Variants in ARHGEF15 observed in about 807,000 individuals in gnomAD.
The protein encoded by ARHGEF15 is Rho guanine nucleotide exchange factor 15, also known as Rho guanine nucleotide exchange factor (GEF) 15.
A neutral mutation model predicts 79.7 loss-of-function variants in ARHGEF15; 58 were observed. The observed-to-expected ratio is 0.73, with a 90% confidence interval of 0.59 to 0.91. The LOEUF is 0.91. ARHGEF15 is among the 40% of genes least tolerant of loss of function. The pLI is 0.00. For missense variants in ARHGEF15, 1,012 were observed against 1,108.1 expected (o/e 0.91, Z 1.23); for synonymous variants, 442 against 456.0 (o/e 0.97, Z 0.39).
In ARHGEF15 at chr17:8,315,876, C is replaced by T; in HGVS notation, c.1543C>T (p.Gln515Ter). 6.2e-7 allele frequency: 1 copy of T among 1,611,400 alleles called. No individual in the cohort carries two copies. ...GTATGTGGATTATGTGCGGAACCAG[C>T]AGTATCAGGAGGAGACCTACAGCCG... Reference protein sequence around the residue: ...SVYVDYVRNQQYQEETYSRLM... With the variant: ...SVYVDYVRNQ Residue 515 changes from glutamine (Q) to a stop codon, truncating the protein, a stop_gained, in exon 8 of 16, where the codon CAG becomes TAG. Transcript: ENST00000361926. LOFTEE classifies it high-confidence loss of function. This position sits in a 1 kb window ranked among gnomAD's most constrained non-coding sequence, Gnocchi z 4.3.
At chr17:8,317,342 C>T (rs1227840519) in intron 9 of ARHGEF15, among the ~76,000 whole-genome samples, 2 of 152,124 alleles carry the variant, frequency 1.3e-5, no homozygotes, top group Non-Finnish European at 2.9e-5. Context: ...TCAAGCAATC[C>T]TCCTATCTCA....
At position 8,315,491 on chromosome 17, in the gene ARHGEF15, C is replaced by A. The variant is rs1051815618; in HGVS notation, c.1338C>A (p.Ser446Arg). ...TGCTGACCGACACCTTCGTGCTGAG[C>A]CAGGCACTCCGGGACACGCTCACCC... ...LRLLTDTFVLSQALRDTLTPR... is the reference protein window; with the variant it reads ...LRLLTDTFVLRQALRDTLTPR... The change falls in exon 7 of 16, where the codon AGC becomes AGA. Residue 446 changes from serine (S) to arginine (R), a missense_variant. Around this residue, in one of 3 missense-constraint regions of ARHGEF15, gnomAD observed 818 missense variants for 882.5 expected, o/e 0.93. Coordinates refer to ENST00000361926, the MANE Select transcript of ARHGEF15 (RefSeq NM_173728.4). This position sits in a 1 kb window ranked among gnomAD's most constrained non-coding sequence, Gnocchi z 4.3. 2.5e-6 allele frequency: 4 copies of A among 1,613,306 alleles called. No individual in the cohort carries two copies. The African/African-American group carries it at 4.0e-5, about 16-fold the overall frequency.
In ARHGEF15 at chr17:8,313,140, C is replaced by T; in HGVS notation, c.820C>T (p.Leu274Phe). 2 of 1,613,034 alleles carry T rather than the reference C, an allele frequency of 1.2e-6. No individual in the cohort carries two copies. The highest frequency in any genetic ancestry group is 1.1e-5 in the South Asian group (1 of 91,070). Residue 274 changes from leucine to phenylalanine, a missense_variant, in exon 3 of 16, where the codon CTC (leucine) becomes TTC (phenylalanine). Leu to Phe is a conservative substitution (Grantham distance 22, BLOSUM62 0). Coordinates refer to ENST00000361926, the MANE Select transcript of ARHGEF15 (RefSeq NM_173728.4). ...CTACCGCTCCACTGCTGAGCGCAAA[C>T]TCCTGCCACTCCTCAAGCCTCCCAA... Reference protein sequence around the residue: ...TSYRSTAERKLLPLLKPPKPT... With the variant: ...TSYRSTAERKFLPLLKPPKPT...
Position 8,318,976 on chromosome 17 carries a change from T to C in ARHGEF15, c.2034-31T>C. 2 of 1,610,982 alleles carry C rather than the reference T, an allele frequency of 1.2e-6. No homozygotes were observed. Among genetic ancestry groups the C allele is most frequent in the Non-Finnish European group, 1.7e-6 (2 of 1,178,762 alleles). On this transcript the variant is annotated intron_variant, in intron 12 of 15. Transcript: ENST00000361926. The surrounding 1 kb of genome is among the most constrained non-coding windows in gnomAD (Gnocchi z 5.0). Reference sequence around the variant, plus strand: ...AGGAGGGGTCCAGCGGGACCCCTGCTGTCCTTCTGAACGACCTCATCCCTG... The same window carrying C: ...AGGAGGGGTCCAGCGGGACCCCTGCCGTCCTTCTGAACGACCTCATCCCTG...
chr17:8,314,315 T>C (rs952336966), intron 4 of ARHGEF15, among the ~76,000 whole-genome samples: 26 of 152,196 alleles, frequency 1.7e-4, no homozygotes, highest in Non-Finnish European at 3.7e-4. Context: ...CTGTGTCCAT[T>C]CATTTATTCA....
Position 8,318,345 on chromosome 17 carries a change from C to G in ARHGEF15, c.1705-42C>G. On this transcript the variant is annotated intron_variant, in intron 9 of 15. Coordinates refer to ENST00000361926, the MANE Select transcript of ARHGEF15 (RefSeq NM_173728.4). The surrounding 1 kb of genome is among the most constrained non-coding windows in gnomAD (Gnocchi z 5.0). ...CTGTGGCCCCTCTGAATCCCAGGGCCACAGAGCAGGGGGCCCAGTCACCCT... is the reference window on the plus strand; with the variant it reads ...CTGTGGCCCCTCTGAATCCCAGGGCGACAGAGCAGGGGGCCCAGTCACCCT... The G allele has an allele frequency of 1.3e-6, 2 of 1,588,846 alleles. No homozygotes were observed. Among genetic ancestry groups the G allele is most frequent in the Non-Finnish European group, 8.6e-7 (1 of 1,164,120 alleles).
At chr17:8,320,135 G>A (rs916951744) in intron 15 of ARHGEF15, among the ~76,000 whole-genome samples, 2 of 152,102 alleles carry the variant, frequency 1.3e-5, no homozygotes, top group African/African-American at 4.8e-5. Context: ...AGTGCCACTC[G>A]CTGTTCTAGG....
chr17:8,319,594 A>G lies in ARHGEF15; in HGVS notation c.2365A>G (p.Thr789Ala). 1 of 1,573,800 alleles carries G rather than the reference A, an allele frequency of 6.4e-7. No individual in the cohort carries two copies. Among genetic ancestry groups the G allele is most frequent in the Non-Finnish European group, 8.6e-7 (1 of 1,167,892 alleles). Residue 789 changes from threonine to alanine, a missense_variant, in exon 15 of 16, where the codon ACC (threonine) becomes GCC (alanine). By Grantham distance (58) the Thr-to-Ala change is moderately conservative (BLOSUM62 0). Coordinates refer to ENST00000361926, the MANE Select transcript of ARHGEF15 (RefSeq NM_173728.4). ...GGCTGCCCCCAAACACCTGCACAAG[A>G]CCCCTGAAGGTGAGAAAGTCTTTCA... ...SRAAPKHLHK[T>A]PEGWLKGLPG...
Position 8,312,272 on chromosome 17 carries a change from C to T in ARHGEF15, c.233C>T (p.Pro78Leu), listed in dbSNP as rs1169087712. The change falls in exon 2 of 16, where the codon CCC (proline) becomes CTC (leucine). Residue 78 changes from proline (P) to leucine (L), a missense_variant. Pro to Leu is a moderately conservative substitution (Grantham distance 98). Around this residue, in one of 3 missense-constraint regions of ARHGEF15, gnomAD observed 818 missense variants for 882.5 expected, o/e 0.93. Transcript: ENST00000361926. ...CTCAAGCCCCCTGCTCTTTTGCCCCCCTCAGCTTCTAGAGCCAGCCTCGAC... is the reference window on the plus strand; with the variant it reads ...CTCAAGCCCCCTGCTCTTTTGCCCCTCTCAGCTTCTAGAGCCAGCCTCGAC... ...ASLKPPALLP[P>L]SASRASLDSQ... 1 of 1,459,202 alleles carries T rather than the reference C, an allele frequency of 6.9e-7. No individual in the cohort carries two copies. The highest frequency in any genetic ancestry group is 9.2e-7 in the Non-Finnish European group (1 of 1,085,208). The allele number at this position is 1,459,202 out of a possible 1,614,324, so 90.4% of individuals were successfully genotyped here.
At position 8,320,973 on chromosome 17, in the gene ARHGEF15, C is replaced by T. The variant is rs1905351176; in HGVS notation, c.2506C>T (p.Pro836Ser). Residue 836 changes from proline (P) to serine (S), a missense_variant, in exon 16 of 16, where the codon CCC (proline) becomes TCC (serine). This residue lies in a region of ARHGEF15 where 132 missense variants were observed against 124.2 expected (regional missense o/e 1.06). Transcript: ENST00000361926. ...GGCTGTTGGATCTTCTTCAGGCACC[C>T]CCAATGCCCCCCCACCCTAATGCAG... ...LEAVGSSSGT[P>S]NAPPP 3.1e-6 allele frequency: 5 copies of T among 1,613,866 alleles called. No homozygotes were observed. Among genetic ancestry groups the T allele is most frequent in the Non-Finnish European group, 1.7e-6 (2 of 1,179,820 alleles).
At chr17:8,311,019 G>A (rs562475662) in intron 1 of ARHGEF15, among the ~76,000 whole-genome samples, 1 of 152,082 alleles carries the variant, frequency 6.6e-6, no homozygotes, top group East Asian at 1.9e-4. Flanking sequence ...TTTGCTAAAT[G>A]ACTTTCTGCC....
intron 4 of ARHGEF15, 64 bp from the exon 5 acceptor site, chr17:8,314,842 A>AAG: frequency 6.3e-7 from 1 of 1,599,788 alleles, no homozygotes. Flanking sequence ...GCATGAGAAC[A>AAG]AGCACCCCTA....
chr17:8,314,834 A>G, intron 4 of ARHGEF15, 72 bp from the exon 5 acceptor site: 1 of 1,592,726 alleles, frequency 6.3e-7, no homozygotes, highest in Non-Finnish European at 8.5e-7. Flanking sequence ...CCTGTCCAGC[A>G]TGAGAACAAG....
Position 8,321,183 on chromosome 17 carries a change from A to C in ARHGEF15, c.*190A>C. 1.4e-6 allele frequency: 1 copy of C among 740,358 alleles called. No homozygotes were observed. Among genetic ancestry groups the C allele is most frequent in the South Asian group, 1.9e-5 (1 of 52,850 alleles). The allele number at this position is 740,358 out of a possible 1,614,324, so 45.9% of individuals were successfully genotyped here. On this transcript the variant is annotated 3_prime_UTR_variant, in exon 16 of 16. Coordinates refer to ENST00000361926, the MANE Select transcript of ARHGEF15 (RefSeq NM_173728.4). ...GAACCCACAGCAATAAGAATGAATG[A>C]GGATGCCTTGAATGTGTGGCCAATG... is the stretch of plus-strand genomic sequence containing the variant.
chr17:8,316,023 A>G lies in ARHGEF15; in HGVS notation c.1579A>G (p.Thr527Ala). ...TAGCCATGCCTGCTTCTGCAGGGAC[A>G]CCAACGTGCGCTTCTCCGCCGAGCT... Reference protein sequence around the residue: ...QEETYSRLMDTNVRFSAELRR... With the variant: ...QEETYSRLMDANVRFSAELRR... Residue 527 changes from threonine to alanine, a missense_variant, in exon 9 of 16, where the codon ACC becomes GCC. Physicochemically the swap from Thr to Ala is moderately conservative, Grantham distance 58. Around this residue, in one of 3 missense-constraint regions of ARHGEF15, gnomAD observed 818 missense variants for 882.5 expected, o/e 0.93. Transcript: ENST00000361926. The G allele has an allele frequency of 6.2e-7, 1 of 1,601,456 alleles. No individual in the cohort carries two copies. The highest frequency in any genetic ancestry group is 8.5e-7 in the Non-Finnish European group (1 of 1,178,726).
intron 1 of ARHGEF15, 82 bp from the exon 2 acceptor site, chr17:8,311,909 C>A: frequency 1.0e-6 from 1 of 993,944 alleles, no homozygotes; most frequent in Non-Finnish European, 1.4e-6. Flanking sequence ...CTCCTGACTT[C>A]AAAATCCTGC....
intron 1 of ARHGEF15, among the ~76,000 whole-genome samples, chr17:8,311,241 C>T (rs1904589933): frequency 6.6e-6 from 1 of 152,054 alleles, no homozygotes; most frequent in African/African-American, 2.4e-5. Flanking sequence ...AAGAGAAACC[C>T]AGGCCGCAGC....
In ARHGEF15 at chr17:8,318,955, G is replaced by A. The variant is rs780525362; in HGVS notation, c.2033+45G>A. 1.9e-6 allele frequency: 3 copies of A among 1,608,840 alleles called. No homozygotes were observed. The Admixed American group carries it at 5.0e-5, about 27-fold the overall frequency. On this transcript the variant is annotated intron_variant, in intron 12 of 15. Transcript: ENST00000361926. The surrounding 1 kb of genome is among the most constrained non-coding windows in gnomAD (Gnocchi z 5.0). The stretch of plus-strand genomic sequence containing the variant: ...GGAGCCCAGGCTGGAGTGGGCAGGA[G>A]GGGTCCAGCGGGACCCCTGCTGTCC...
intron 15 of ARHGEF15, among the ~76,000 whole-genome samples, chr17:8,319,965 G>T (rs1905277692): frequency 6.7e-6 from 1 of 149,732 alleles, no homozygotes; most frequent in Non-Finnish European, 1.5e-5. Flanking sequence ...TTTAATGGAG[G>T]TGGGGGGTCT....
Sources: gnomAD v4.1 joint callset for allele counts (sites outside exome capture counted in the v4.1 genomes callset) on GRCh38, gnomAD v4.1.1 for gene constraint, gnomAD v4.1.1 regional missense constraint, Gnocchi (gnomAD v3.1) non-coding constraint, MANE v1.5 for transcripts, NCBI Gene and HGNC (gene_info 2026-07-23, HGNC 2026-07-21) for gene names.